Variants in OGG1 observed in about 807,000 individuals in gnomAD.
OGG1 encodes 8-oxoguanine DNA glycosylase, also known as N-glycosylase/DNA lyase.
Under a neutral mutation model 42.3 loss-of-function variants are expected in OGG1, and 35 were observed. The observed-to-expected ratio is 0.83, with a 90% CI of 0.63 to 1.10. The LOEUF (loss-of-function observed/expected upper bound fraction) is 1.10, where lower values mean the gene tolerates loss of function less well. Ranked by LOEUF, OGG1 falls within the 50% of genes least tolerant of loss-of-function variation. The pLI, the probability that OGG1 is intolerant of heterozygous loss-of-function variation, is 0.00. For synonymous variants in OGG1, 189 were observed against 179.0 expected (o/e 1.06, Z -0.44); for missense variants, 484 against 446.7 (o/e 1.08, Z -0.75).
At chr3:9,769,084 A>G (rs757446996), downstream of OGG1, among the ~76,000 whole-genome samples, 1 of 152,002 alleles carries the variant, frequency 6.6e-6, no homozygotes, top group African/African-American at 2.4e-5. Context: ...ACACCTGATC[A>G]TACATGTACT....
downstream of OGG1, chr3:9,759,331 T>C (rs747365546): frequency 5.1e-6 from 8 of 1,574,416 alleles, no homozygotes; most frequent in South Asian, 7.8e-5. Flanking sequence ...GGAGTGTTTG[T>C]TGAATGAAAG....
intron 1 of OGG1, chr3:9,750,658 G>A: frequency 1.4e-6 from 1 of 711,306 alleles, no homozygotes; most frequent in Non-Finnish European, 2.3e-6. Context: ...TTCTTTTTTT[G>A]AGACAGGGTC....
chr3:9,763,343 T>G, intron 7 of OGG1: 4 of 1,050,630 alleles, frequency 3.8e-6, no homozygotes, highest in Non-Finnish European at 5.6e-6. Context: ...CAGTCTGTTA[T>G]GATTGCACCT....
downstream of OGG1, chr3:9,759,743 A>G: frequency 6.2e-7 from 1 of 1,614,120 alleles, no homozygotes; most frequent in Non-Finnish European, 8.5e-7. Context: ...GCCGGATGAA[A>G]TCTTTGGCTA....
chr3:9,761,768 A>G, downstream of OGG1: 1 of 1,613,742 alleles, frequency 6.2e-7, no homozygotes, highest in East Asian at 2.2e-5. Flanking sequence ...CTTGAAGGGC[A>G]GGAGGGAAGA....
chr3:9,762,483 T>C (rs941174420), intron 7 of OGG1, among the ~76,000 whole-genome samples: 1 of 152,204 alleles, frequency 6.6e-6, no homozygotes, highest in African/African-American at 2.4e-5. Flanking sequence ...TCCAAGTGAT[T>C]CGCCTGCCTC....
chr3:9,760,866 G>A, downstream of OGG1: 1 of 1,548,550 alleles, frequency 6.5e-7, no homozygotes, highest in Non-Finnish European at 8.8e-7. Context: ...AGGAGCCATG[G>A]AAGGAGTTCC....
At chr3:9,789,569 C>T (rs1364622161), downstream of OGG1, 3 of 1,614,184 alleles carry the variant, frequency 1.9e-6, no homozygotes, top group Non-Finnish European at 1.7e-6. Flanking sequence ...TGCGGACCTC[C>T]TCGCTGGTGA....
chr3:9,751,222 G>A, intron 2 of OGG1, 30 bp downstream of exon 2: 1 of 1,610,254 alleles, frequency 6.2e-7, no homozygotes, highest in South Asian at 1.1e-5. Flanking sequence ...TGGGGTTAGG[G>A]TTCTTGGACA....
In OGG1 at chr3:9,750,125, G is replaced by C. The variant is rs563200482; in HGVS notation, c.-162G>C. 1.1e-6 allele frequency: 1 copy of C among 909,762 alleles called. No homozygotes were observed. The highest frequency in any genetic ancestry group is 1.6e-6 in the Non-Finnish European group (1 of 610,338). The allele number at this position is 909,762 out of a possible 1,614,324, so 56.4% of individuals were successfully genotyped here. A position where few individuals can be genotyped will look rare whatever the true frequency, so the allele number is the denominator to read the frequency against. On this transcript the variant is annotated 5_prime_UTR_variant, in exon 1 of 7. The change abolishes an upstream ATG in the 5' untranslated region. Transcript: ENST00000344629. The stretch of plus-strand genomic sequence containing the variant: ...TGATGACCCGCAAAGGGCGAGGCAT[G>C]CAGGAGGTGGAGGAATTAAGTGAAA...
rs779763532 is a variant in OGG1, at chr3:9,756,849, C to T, written c.948+33C>T. 10 of 1,613,062 alleles carry T rather than the reference C, an allele frequency of 6.2e-6. No homozygotes were observed. The South Asian group carries it at 8.8e-5, about 14-fold the overall frequency. On this transcript the variant is annotated intron_variant, in intron 6 of 6. Coordinates refer to ENST00000344629, the MANE Select transcript of OGG1 (RefSeq NM_002542.6). ...TACCTAGGTGTCCTCCCTAGGTTTCCTCTCCTCCAGCCCAGACCCAGTGGA... is the reference window on the plus strand; with the variant it reads ...TACCTAGGTGTCCTCCCTAGGTTTCTTCTCCTCCAGCCCAGACCCAGTGGA...
Position 9,757,098 on chromosome 3 carries a change from C to G in OGG1, c.986C>G (p.Ala329Gly), listed in dbSNP as rs2077608894. Reference protein sequence around the residue: ...FSADLRQSRHAQEPPAKRRKG... With the variant: ...FSADLRQSRHGQEPPAKRRKG... The stretch of plus-strand genomic sequence containing the variant: ...GCCGACCTGCGCCAATCCCGCCATG[C>G]TCAGGAGCCACCAGCAAAGCGCAGA... Residue 329 changes from alanine to glycine, a missense_variant, in exon 7 of 7, where the codon GCT (alanine) becomes GGT (glycine). Coordinates refer to ENST00000344629, the MANE Select transcript of OGG1 (RefSeq NM_002542.6). The surrounding 1 kb of genome is among the most constrained non-coding windows in gnomAD (Gnocchi z 4.5). The G allele has an allele frequency of 6.2e-7, 1 of 1,614,066 alleles. No homozygotes were observed. The highest frequency in any genetic ancestry group is 1.1e-5 in the South Asian group (1 of 91,088).
rs2078415537 is a variant in OGG1 at position 9,779,631 on chromosome 3, TGTACCC to T, written c.295-1881_295-1876del. ...GTAACAAACCTGCACGTTGTACACA[TGTACCC>T]TAGAACTTAAATTAAAAAAAAAAGA... is the stretch of plus-strand genomic sequence containing the variant. On this transcript the variant is annotated intron_variant, in intron 2 of 3. Coordinates refer to the OGG1 transcript ENST00000426518. Among the ~76,000 whole-genome samples, 15 of 152,204 alleles carry T rather than the reference TGTACCC, an allele frequency of 9.9e-5. No homozygotes were observed. In the South Asian group the frequency reaches 2.9e-3, roughly 29 times the overall value.
downstream of OGG1, chr3:9,759,294 A>G (rs1396165515): frequency 6.2e-7 from 1 of 1,606,858 alleles, no homozygotes; most frequent in Admixed American, 1.7e-5. Flanking sequence ...GAGGTGAGGG[A>G]CCCTCTCTGG....
downstream of OGG1, chr3:9,758,037 T>C (rs2077668981): frequency 7.7e-6 from 6 of 778,928 alleles, no homozygotes; most frequent in Non-Finnish European, 1.2e-5. Flanking sequence ...CACACGCACA[T>C]ATGTTAGATG....
Position 9,757,336 on chromosome 3 carries a change from A to T in OGG1, c.*186A>T. 6.3e-7 allele frequency: 1 copy of T among 1,591,166 alleles called. No individual in the cohort carries two copies. The highest frequency in any genetic ancestry group is 8.6e-7 in the Non-Finnish European group (1 of 1,159,320). ...TGGGGTGGGGGATATTGAGGGAGAC[A>T]GCGCTAAGGATGGTTTTATCTTCCC... On this transcript the variant is annotated 3_prime_UTR_variant, in exon 7 of 7. Transcript: ENST00000344629. The surrounding 1 kb of genome is among the most constrained non-coding windows in gnomAD (Gnocchi z 4.5).
At chr3:9,786,466 G>A (rs991667637) in intron 3 of OGG1, among the ~76,000 whole-genome samples, 1 of 152,148 alleles carries the variant, frequency 6.6e-6, no homozygotes, top group Non-Finnish European at 1.5e-5. Context: ...GAAAGAGTGT[G>A]AGGGTGTGTC....
At chr3:9,775,173 G>C (rs1312654688) in intron 2 of OGG1, among the ~76,000 whole-genome samples, 1 of 152,022 alleles carries the variant, frequency 6.6e-6, no homozygotes, top group East Asian at 1.9e-4. Flanking sequence ...CTGGGAGGCT[G>C]AGGTTGCAGT....
At chr3:9,753,526 C>T (rs1217532515) in intron 3 of OGG1, among the ~76,000 whole-genome samples, 3 of 150,440 alleles carry the variant, frequency 2.0e-5, no homozygotes, top group Non-Finnish European at 3.0e-5. Context: ...TGGTGGTGGG[C>T]GCCTGTAGTC....
Sources: gnomAD v4.1 joint callset for allele counts (sites outside exome capture counted in the v4.1 genomes callset) on GRCh38, gnomAD v4.1.1 for gene constraint, Gnocchi (gnomAD v3.1) non-coding constraint, MANE v1.5 for transcripts, NCBI Gene and HGNC (gene_info 2026-07-23, HGNC 2026-07-21) for gene names.